Variants in BRD1 observed in about 807,000 individuals in gnomAD.
BRD1 encodes bromodomain-containing protein 1.
Under a neutral mutation model 107.7 loss-of-function variants are expected in BRD1, and 24 were observed. The ratio of observed to expected loss-of-function variants is 0.22; its 90% CI spans 0.16 to 0.31. BRD1 has a LOEUF of 0.31. BRD1 is among the 10% of genes least tolerant of loss of function. The pLI is 1.00. For synonymous variants in BRD1, 744 were observed against 686.1 expected (o/e 1.08, Z -1.32); for missense variants, 1,279 against 1,638.6 (o/e 0.78, Z 3.79).
chr22:49,794,555 G>A (rs550645107), intron 6 of BRD1, among the ~76,000 whole-genome samples: 1 of 152,348 alleles, frequency 6.6e-6, no homozygotes, highest in East Asian at 1.9e-4. Flanking sequence ...GCAGCGTCCA[G>A]GTAAGATCGC....
intron 3 of BRD1, among the ~76,000 whole-genome samples, chr22:49,802,134 G>A (rs2059654021): frequency 6.6e-6 from 1 of 151,766 alleles, no homozygotes; most frequent in Admixed American, 6.6e-5. Flanking sequence ...ACATCGCAGG[G>A]GCGGAGACCA....
At chr22:49,793,377 C>T (rs528520665) in intron 7 of BRD1, among the ~76,000 whole-genome samples, 6 of 152,304 alleles carry the variant, frequency 3.9e-5, no homozygotes, top group South Asian at 4.2e-4. Context: ...TCTAGATAGG[C>T]GGATTTCTTC....
intron 8 of BRD1, among the ~76,000 whole-genome samples, chr22:49,779,835 G>C (rs1601607560): frequency 6.6e-6 from 1 of 152,048 alleles, no homozygotes; most frequent in East Asian, 1.9e-4. Flanking sequence ...GCTCGCATCA[G>C]CAGTGGACGG....
chr22:49,791,967 A>C (rs1021311978), intron 7 of BRD1, among the ~76,000 whole-genome samples: 2 of 152,134 alleles, frequency 1.3e-5, no homozygotes, highest in African/African-American at 2.4e-5. Flanking sequence ...TAAAAATAAA[A>C]TGATTCCAGA....
rs1189343870 is a variant in BRD1, at chr22:49,803,171, G to A, written c.1524+1033C>T. ...GTTCCCTGGAGCACAAGGCAGCCAC[G>A]GCAGGTGACTGAACAGGGCTCACGC... On this transcript the variant is annotated intron_variant, in intron 3 of 12. Transcript: ENST00000404760. The surrounding 1 kb of genome is among the most constrained non-coding windows in gnomAD (Gnocchi z 4.4). Among the ~76,000 whole-genome samples, 2 of 152,208 alleles carry A rather than the reference G, an allele frequency of 1.3e-5. No homozygotes were observed. Among genetic ancestry groups the A allele is most frequent in the African/African-American group, 2.4e-5 (1 of 41,444 alleles).
At chr22:49,776,204 G>T (rs138824) in intron 10 of BRD1, 45 bp from the exon 11 acceptor site, 8 of 1,532,436 alleles carry the variant, frequency 5.2e-6, no homozygotes, top group African/African-American at 1.4e-5. Flanking sequence ...AGCAGGACAC[G>T]GGGCACGCCC....
At chr22:49,815,448 C>CA (rs1210402406) in intron 2 of BRD1, among the ~76,000 whole-genome samples, 2 of 151,818 alleles carry the variant, frequency 1.3e-5, no homozygotes, top group Non-Finnish European at 2.9e-5. Context: ...GAGGCTGAGG[C>CA]AGGAGAATCG....
intron 1 of BRD1, chr22:49,826,150 C>A (rs1002030671): frequency 4.1e-6 from 4 of 984,608 alleles, no homozygotes; most frequent in Non-Finnish European, 4.8e-6. Context: ...TGGTTACTCA[C>A]CAGATCAGAA....
chr22:49,788,009 T>C (rs1373512316), intron 7 of BRD1, 122 bp from the exon 8 acceptor site: 2 of 1,005,516 alleles, frequency 2.0e-6, no homozygotes, highest in Admixed American at 5.9e-5. Context: ...AGGCATCGCA[T>C]GTACTGTCTG....
intron 2 of BRD1, among the ~76,000 whole-genome samples, chr22:49,815,964 G>A (rs766750794): frequency 7.9e-5 from 12 of 152,108 alleles, no homozygotes; most frequent in East Asian, 5.9e-4. Context: ...AGTGCCACCC[G>A]CAGCAGCCAA....
chr22:49,776,167 G>GAGGGGCGTCAGCAGGAC lies in BRD1; in HGVS notation c.3122-25_3122-9dup, dbSNP rs2059094801. ...TGCTGCTCTGGCCGACTTCTGCGGA[G>GAGGGGCGTCAGCAGGAC]AGGGGCGTCAGCAGGACACAGGCGT... is the stretch of plus-strand genomic sequence containing the variant. On this transcript the variant is annotated splice_polypyrimidine_tract_variant and intron_variant, in intron 10 of 12. Coordinates refer to ENST00000404760, the MANE Select transcript of BRD1 (RefSeq NM_001304808.3). The GAGGGGCGTCAGCAGGAC allele has an allele frequency of 6.2e-7, 1 of 1,602,076 alleles. No homozygotes were observed. Among genetic ancestry groups the GAGGGGCGTCAGCAGGAC allele is most frequent in the Non-Finnish European group, 8.5e-7 (1 of 1,179,106 alleles).
intron 2 of BRD1, among the ~76,000 whole-genome samples, chr22:49,820,146 A>T (rs1281292378): frequency 6.6e-6 from 1 of 152,216 alleles, no homozygotes; most frequent in Non-Finnish European, 1.5e-5. Flanking sequence ...AAGGGGGGAA[A>T]AAAAAGAACT....
At chr22:49,816,870 G>A (rs1182824429) in intron 2 of BRD1, among the ~76,000 whole-genome samples, 2 of 152,258 alleles carry the variant, frequency 1.3e-5, no homozygotes, top group African/African-American at 4.8e-5. Context: ...TGGACTGCGG[G>A]GGCCAAGGCC....
chr22:49,787,309 C>A lies in BRD1; in HGVS notation c.2857+81G>T, dbSNP rs570294449. The A allele has an allele frequency of 5.6e-5, 64 of 1,138,334 alleles. 2 individuals carry two copies. The highest frequency in any genetic ancestry group is 3.8e-4 in the East Asian group (11 of 29,080). 70.5% of individuals were successfully genotyped at this position (1,138,334 alleles called of 1,614,324 possible). A position where few individuals can be genotyped will look rare whatever the true frequency, so the allele number is the denominator to read the frequency against. On this transcript the variant is annotated intron_variant, in intron 8 of 12. Coordinates refer to ENST00000404760, the MANE Select transcript of BRD1 (RefSeq NM_001304808.3). ...AAACAGAAGCTGGACACCCCCCCCCCCCCGTCACACCAATGATCCTGAAGG... is the reference window on the plus strand; with the variant it reads ...AAACAGAAGCTGGACACCCCCCCCCACCCGTCACACCAATGATCCTGAAGG...
intron 10 of BRD1, 68 bp downstream of exon 10, chr22:49,776,966 A>G (rs1331459769): frequency 6.9e-6 from 11 of 1,595,274 alleles, no homozygotes; most frequent in Admixed American, 1.7e-5. Context: ...TCCAGTCCCC[A>G]GCAGTCGAGC....
At chr22:49,776,281 C>T (rs910048192) in intron 10 of BRD1, 122 bp from the exon 11 acceptor site, 9 of 795,454 alleles carry the variant, frequency 1.1e-5, no homozygotes, top group Admixed American at 2.1e-5. Context: ...CCAGGCCTTT[C>T]TCAGCCACCC....
chr22:49,787,431 G>A lies in BRD1; in HGVS notation c.2816C>T (p.Ser939Phe). Residue 939 changes from serine to phenylalanine, a missense_variant, in exon 8 of 13, where the codon TCC becomes TTC. By Grantham distance (155) the Ser-to-Phe change is radical. Coordinates refer to ENST00000404760, the MANE Select transcript of BRD1 (RefSeq NM_001304808.3). Reference protein sequence around the residue: ...RKRSRSTCGDSEVEEESPGKR... With the variant: ...RKRSRSTCGDFEVEEESPGKR... ...TCCTGGGGACTCCTCCTCCACCTCG[G>A]AGTCTCCGCATGTGCTCCGCGACCT... The A allele has an allele frequency of 6.2e-7, 1 of 1,613,880 alleles. No individual in the cohort carries two copies. The highest frequency in any genetic ancestry group is 2.2e-5 in the East Asian group (1 of 44,820).
Position 49,787,429 on chromosome 22 carries a change from C to G in BRD1, c.2818G>C (p.Glu940Gln). The G allele has an allele frequency of 1.2e-6, 2 of 1,613,972 alleles. No homozygotes were observed. The highest frequency in any genetic ancestry group is 2.2e-5 in the East Asian group (1 of 44,874). The change falls in exon 8 of 13, where the codon GAG (glutamate) becomes CAG (glutamine). Residue 940 changes from glutamate (E) to glutamine (Q), a missense_variant. By Grantham distance (29) the Glu-to-Gln change is conservative (BLOSUM62 2). This residue lies in a region of BRD1 where 263 missense variants were observed against 251.6 expected (regional missense o/e 1.05). Transcript: ENST00000404760. ...KRSRSTCGDS[E>Q]VEEESPGKRL... The stretch of plus-strand genomic sequence containing the variant: ...TTTCCTGGGGACTCCTCCTCCACCT[C>G]GGAGTCTCCGCATGTGCTCCGCGAC...
rs1037397001 is a variant in BRD1, at chr22:49,777,151, G to A, written c.3004C>T (p.Pro1002Ser). Residue 1002 changes from proline to serine, a missense_variant, in exon 10 of 13, where the codon CCC becomes TCC. This residue lies in a region of BRD1 where 263 missense variants were observed against 251.6 expected (regional missense o/e 1.05). Coordinates refer to ENST00000404760, the MANE Select transcript of BRD1 (RefSeq NM_001304808.3). ...SPLCDSSFNA[P>S]KCGRGKPALV... The stretch of plus-strand genomic sequence containing the variant: ...GCCGGTTTGCCCCGCCCACATTTGG[G>A]CGCATTAAAGCTTCGGGAGGAAGAG... 1 of 1,613,064 alleles carries A rather than the reference G, an allele frequency of 6.2e-7. No homozygotes were observed. The highest frequency in any genetic ancestry group is 2.2e-5 in the East Asian group (1 of 44,880).
Sources: gnomAD v4.1 joint callset for allele counts (sites outside exome capture counted in the v4.1 genomes callset) on GRCh38, gnomAD v4.1.1 for gene constraint, gnomAD v4.1.1 regional missense constraint, Gnocchi (gnomAD v3.1) non-coding constraint, MANE v1.5 for transcripts, NCBI Gene and HGNC (gene_info 2026-07-23, HGNC 2026-07-21) for gene names.